The following CEPT1 variants were observed in gnomAD, a reference collection of about 807,000 sequenced individuals.
The protein encoded by CEPT1 is choline/ethanolamine phosphotransferase 1.
Under a neutral mutation model 42.6 loss-of-function variants are expected in CEPT1, and 7 were observed. The ratio of observed to expected loss-of-function variants is 0.16; its 90% confidence interval spans 0.09 to 0.31. CEPT1 has a LOEUF of 0.31. Among genes scored for constraint, CEPT1 ranks in the 10% least tolerant of loss-of-function variants. CEPT1 has a pLI of 1.00. For missense variants in CEPT1, 306 were observed against 502.1 expected, an observed-to-expected ratio of 0.61 and a Z score of 3.73; for synonymous variants, 171 against 171.9, an observed-to-expected ratio of 0.99 and a Z score of 0.04.
intron 1 of CEPT1, 25 bp downstream of exon 1, chr1:111,140,332 G>C (rs1337811034): frequency 6.5e-6 from 1 of 153,376 alleles, no homozygotes; most frequent in Non-Finnish European, 1.4e-5. Flanking sequence ...CGCGGTCACC[G>C]GACGTGAAGG....
chr1:111,148,040 C>T lies in CEPT1; in HGVS notation c.326C>T (p.Thr109Ile), dbSNP rs1173365535. ...TTILLVFYCP[T>I]ATEQAPLWAY... ...ATTTTATTAGTCTTCTACTGCCCTACAGCTACAGAGCAGGTAAGAGTTTCT... is the reference window on the plus strand; with the variant it reads ...ATTTTATTAGTCTTCTACTGCCCTATAGCTACAGAGCAGGTAAGAGTTTCT... Residue 109 changes from threonine to isoleucine, a missense_variant, in exon 2 of 9, where the codon ACA becomes ATA. Thr to Ile is a moderately conservative substitution (Grantham distance 89). This residue lies in a region of CEPT1 where 253 missense variants were observed against 447.3 expected (regional missense o/e 0.57). Transcript: ENST00000357172. The T allele has an allele frequency of 6.2e-7, 1 of 1,613,004 alleles. No homozygotes were observed. Among genetic ancestry groups the T allele is most frequent in the African/African-American group, 1.3e-5 (1 of 74,890 alleles).
intron 5 of CEPT1, among the ~76,000 whole-genome samples, chr1:111,176,266 G>A (rs1209226166): frequency 3.3e-5 from 5 of 151,984 alleles, no homozygotes; most frequent in African/African-American, 1.2e-4. Context: ...TAGGAAATAC[G>A]AATTTTATTA....
At chr1:111,167,726 T>G in intron 4 of CEPT1, 2 of 984,112 alleles carry the variant, frequency 2.0e-6, no homozygotes, top group South Asian at 9.4e-5. Context: ...CATTTCTGTT[T>G]GTTTTGCTTA....
At chr1:111,177,288 G>GGGC (rs1385120419) in intron 5 of CEPT1, among the ~76,000 whole-genome samples, 2 of 152,126 alleles carry the variant, frequency 1.3e-5, no homozygotes, top group Non-Finnish European at 2.9e-5. Context: ...GCTATGAAGG[G>GGGC]GGCTGGGAGG....
chr1:111,146,809 A>G (rs911067139), intron 1 of CEPT1, among the ~76,000 whole-genome samples: 2 of 151,554 alleles, frequency 1.3e-5, no homozygotes, highest in African/African-American at 2.4e-5. Flanking sequence ...TTTTCCTTCT[A>G]CTTCCTCAGT....
In CEPT1 at chr1:111,184,565, T is replaced by G. The variant is rs76943617; in HGVS notation, c.*255T>G. The G allele has an allele frequency of 0.019, 5,867 of 305,102 alleles. 84 individuals are homozygous for G. The highest frequency in any genetic ancestry group is 0.029 in the Middle Eastern group (30 of 1,024). 18.9% of individuals were successfully genotyped at this position (305,102 alleles called of 1,614,324 possible). A position where few individuals can be genotyped will look rare whatever the true frequency, so the allele number is the denominator to read the frequency against. On this transcript the variant is annotated 3_prime_UTR_variant, in exon 9 of 9. Transcript: ENST00000357172. ...TGCAGAAAAAAATGCCATGTGATTG[T>G]AATTATCCTGGATTCAGAATAATAC...
At chr1:111,183,687 G>C (rs1416218379) in intron 8 of CEPT1, 100 bp downstream of exon 8, 8 of 1,202,430 alleles carry the variant, frequency 6.7e-6, no homozygotes, top group African/African-American at 4.6e-5. Context: ...TCATATAATT[G>C]TAATGATTTG....
intron 4 of CEPT1, among the ~76,000 whole-genome samples, chr1:111,166,347 CTG>C (rs1557934508): frequency 6.6e-6 from 1 of 152,148 alleles, no homozygotes; most frequent in East Asian, 1.9e-4. Context: ...TGTGTGTTAT[CTG>C]TGTTTCCAAA....
Position 111,161,304 on chromosome 1 carries a change from ATACT to A in CEPT1, c.629+11_629+14del. On this transcript the variant is annotated intron_variant, in intron 4 of 8. Coordinates refer to ENST00000357172, the MANE Select transcript of CEPT1 (RefSeq NM_006090.5). Reference sequence around the variant, plus strand: ...AACATTGCGATTTGGAATGTAAGTAATACTTAATGGTAATTTTTGTTTTCTCTTT... The same window carrying A: ...AACATTGCGATTTGGAATGTAAGTAATAATGGTAATTTTTGTTTTCTCTTT... The A allele has an allele frequency of 1.3e-6, 2 of 1,596,186 alleles. No homozygotes were observed. The highest frequency in any genetic ancestry group is 1.7e-6 in the Non-Finnish European group (2 of 1,172,692).
chr1:111,161,081 C>T (rs1231564398), intron 3 of CEPT1, 74 bp from the exon 4 acceptor site: 2 of 1,484,130 alleles, frequency 1.3e-6, no homozygotes, highest in African/African-American at 1.4e-5. Context: ...CTTTTTGTCT[C>T]ATCTAAAATC....
intron 5 of CEPT1, 54 bp downstream of exon 5, chr1:111,175,017 GT>G: frequency 9.3e-7 from 1 of 1,079,174 alleles, no homozygotes; most frequent in Non-Finnish European, 1.4e-6. Flanking sequence ...TTTTGCTTGT[GT>G]TTTCTAATAT....
At chr1:111,156,571 G>GA (rs768002670) in intron 2 of CEPT1, among the ~76,000 whole-genome samples, 16 of 151,506 alleles carry the variant, frequency 1.1e-4, no homozygotes, top group African/African-American at 2.7e-4. Flanking sequence ...GATGAGCGGG[G>GA]AAAAAAAAAT....
chr1:111,168,544 G>C (rs185073227), intron 4 of CEPT1, among the ~76,000 whole-genome samples: 3 of 150,660 alleles, frequency 2.0e-5, no homozygotes, highest in African/African-American at 7.3e-5. Context: ...GCTGGAGTGC[G>C]GTGGAGCTAT....
rs202065837 is a variant in CEPT1, at chr1:111,161,137, G to A, written c.488-18G>A. The A allele has an allele frequency of 1.3e-4, 203 of 1,613,408 alleles. No individual in the cohort carries two copies. Among genetic ancestry groups the A allele is most frequent in the Middle Eastern group, 4.9e-4 (3 of 6,082 alleles). ...CTATTCATATTATTTGGTTTTCATC[G>A]TGATCTTTCTTCTGCAGTTTTTGTG... On this transcript the variant is annotated intron_variant, in intron 3 of 8. Transcript: ENST00000357172.
At chr1:111,176,553 G>A (rs1242298640) in intron 5 of CEPT1, among the ~76,000 whole-genome samples, 1 of 152,142 alleles carries the variant, frequency 6.6e-6, no homozygotes, top group African/African-American at 2.4e-5. Context: ...TGGAAAACAA[G>A]TCAGTGTTTG....
intron 5 of CEPT1, among the ~76,000 whole-genome samples, chr1:111,177,422 T>G (rs1166368702): frequency 6.6e-6 from 1 of 152,210 alleles, no homozygotes; most frequent in Non-Finnish European, 1.5e-5. Flanking sequence ...CAAGAAGTTT[T>G]GGGATTTGTA....
At chr1:111,163,319 A>G (rs1232632017) in intron 4 of CEPT1, among the ~76,000 whole-genome samples, 2 of 152,236 alleles carry the variant, frequency 1.3e-5, no homozygotes, top group South Asian at 4.1e-4. Flanking sequence ...AATTAAAAGC[A>G]GGCTATAATG....
rs566331772 is a variant in CEPT1, at chr1:111,181,362, A to G, written c.715-825A>G. The G allele has an allele frequency of 9.2e-5, 14 of 152,198 alleles. No individual in the cohort carries two copies. The East Asian group carries it at 2.3e-3, about 25-fold the overall frequency. 9.4% of individuals were successfully genotyped at this position (152,198 alleles called of 1,614,324 possible). Reference sequence around the variant, plus strand: ...AAGGGAGGGGTGCGAAAAAGAAGAGACTCTTAAATGATTTTTAAAATTCAG... The same window carrying G: ...AAGGGAGGGGTGCGAAAAAGAAGAGGCTCTTAAATGATTTTTAAAATTCAG... On this transcript the variant is annotated intron_variant, in intron 5 of 8. Transcript: ENST00000357172.
At chr1:111,155,016 G>A (rs1655484461) in intron 2 of CEPT1, among the ~76,000 whole-genome samples, 1 of 152,136 alleles carries the variant, frequency 6.6e-6, no homozygotes, top group Non-Finnish European at 1.5e-5. Flanking sequence ...GAATTAGGAA[G>A]AATTTTCTCT....
Sources: gnomAD v4.1 joint callset for allele counts (sites outside exome capture counted in the v4.1 genomes callset) on GRCh38, gnomAD v4.1.1 for gene constraint, gnomAD v4.1.1 regional missense constraint, MANE v1.5 for transcripts, NCBI Gene and HGNC (gene_info 2026-07-23, HGNC 2026-07-21) for gene names.